RIT2: variants seen among roughly 807,000 people sequenced by gnomAD.
RIT2 encodes Ras like without CAAX 2, also known as GTP-binding protein Rit2.
In RIT2, 24 loss-of-function variants were observed where a neutral mutation model predicts 23.7. That is an observed-to-expected ratio of 1.01 (90% CI 0.73 to 1.43). The LOEUF (loss-of-function observed/expected upper bound fraction) is 1.43. Ranked by LOEUF, RIT2 falls within the 40% of genes most tolerant of loss-of-function variation. RIT2 has a pLI of 0.00. For missense variants in RIT2, 236 were observed against 266.9 expected (o/e 0.88, Z 0.81); for synonymous variants, 107 against 91.1 (o/e 1.17, Z -0.99).
chr18:43,062,181 A>C (rs1182445316), intron 1 of RIT2, among the ~76,000 whole-genome samples: 1 of 152,134 alleles, frequency 6.6e-6, no homozygotes, highest in East Asian at 1.9e-4. Flanking sequence ...GTTTTATATG[A>C]GCCACTATGC....
chr18:42,880,775 C>T (rs946862766), intron 4 of RIT2, among the ~76,000 whole-genome samples: 9 of 150,008 alleles, frequency 6.0e-5, no homozygotes, highest in Admixed American at 4.7e-4. Flanking sequence ...GGGCCTGTGT[C>T]CAAAACAGAA....
chr18:42,831,621 G>T (rs1036911337), intron 4 of RIT2, among the ~76,000 whole-genome samples: 9 of 152,090 alleles, frequency 5.9e-5, no homozygotes, highest in Non-Finnish European at 1.2e-4. Context: ...GTGACGGAGG[G>T]TCTAGGAAGA....
At chr18:42,970,256 T>A (rs1321010124) in intron 3 of RIT2, among the ~76,000 whole-genome samples, 2 of 151,956 alleles carry the variant, frequency 1.3e-5, no homozygotes, top group African/African-American at 4.8e-5. Flanking sequence ...TAAGAAAAAC[T>A]CTTTCTAATA....
rs559369320 is a variant in RIT2, at chr18:43,054,295, T to C, written c.104-20428A>G. On this transcript the variant is annotated intron_variant, in intron 1 of 4. Coordinates refer to ENST00000326695, the MANE Select transcript of RIT2 (RefSeq NM_002930.4). ...AGATGAGGACAGAAAGAATTTAAGA[T>C]GAGGTTAAAAGGTGTCTCTTTGAGG... is the stretch of plus-strand genomic sequence containing the variant. Among the ~76,000 whole-genome samples the C allele has an allele frequency of 2.6e-5, 4 of 152,216 alleles. No homozygotes were observed. In the East Asian group the frequency reaches 7.8e-4, roughly 30 times the overall value.
At chr18:42,882,109 T>G (rs1165639611) in intron 4 of RIT2, among the ~76,000 whole-genome samples, 10 of 152,230 alleles carry the variant, frequency 6.6e-5, no homozygotes, top group Non-Finnish European at 1.5e-4. Context: ...TGATTATTTT[T>G]TAACTATATA....
At chr18:42,771,647 C>T (rs1218276395) in intron 4 of RIT2, among the ~76,000 whole-genome samples, 1 of 152,092 alleles carries the variant, frequency 6.6e-6, no homozygotes, top group African/African-American at 2.4e-5. Flanking sequence ...AAGACAGCCT[C>T]ATCTTTAGTA....
intron 1 of RIT2, among the ~76,000 whole-genome samples, chr18:43,049,424 T>C (rs746612943): frequency 1.3e-5 from 2 of 152,276 alleles, no homozygotes; most frequent in Admixed American, 1.3e-4. Flanking sequence ...TTTTATTTCC[T>C]GTACATTTAA....
At chr18:43,001,688 A>C (rs1911111745) in intron 2 of RIT2, among the ~76,000 whole-genome samples, 1 of 152,000 alleles carries the variant, frequency 6.6e-6, no homozygotes, top group Admixed American at 6.6e-5. Context: ...TTATCTGGAG[A>C]CTTGAAAGTT....
intron 1 of RIT2, among the ~76,000 whole-genome samples, chr18:43,102,749 G>A (rs1279769546): frequency 6.6e-6 from 1 of 151,946 alleles, no homozygotes; most frequent in Non-Finnish European, 1.5e-5. Flanking sequence ...CGCCTCCCGG[G>A]TTCAAGCGAT....
chr18:43,055,284 C>A (rs535479350), intron 1 of RIT2, among the ~76,000 whole-genome samples: 1 of 152,050 alleles, frequency 6.6e-6, no homozygotes, highest in Non-Finnish European at 1.5e-5. Context: ...CTCAGCGCTC[C>A]CCATGGGGTC....
intron 4 of RIT2, among the ~76,000 whole-genome samples, chr18:42,806,492 A>T (rs1170944498): frequency 2.6e-5 from 4 of 152,158 alleles, no homozygotes; most frequent in Non-Finnish European, 5.9e-5. Context: ...AGAAAAAAAG[A>T]ATTTATTTTT....
intron 4 of RIT2, among the ~76,000 whole-genome samples, chr18:42,762,342 CAAT>C (rs1394507536): frequency 2.0e-5 from 3 of 152,230 alleles, no homozygotes; most frequent in East Asian, 3.9e-4. Flanking sequence ...TCTTAAACAA[CAAT>C]GACACAGAGA....
chr18:42,880,221 G>A (rs1463630610), intron 4 of RIT2, among the ~76,000 whole-genome samples: 1 of 152,070 alleles, frequency 6.6e-6, no homozygotes, highest in African/African-American at 2.4e-5. Context: ...CAACTCTCCT[G>A]TTTGTGCCCT....
At chr18:42,944,857 C>T (rs1909690789) in intron 3 of RIT2, among the ~76,000 whole-genome samples, 1 of 151,862 alleles carries the variant, frequency 6.6e-6, no homozygotes, top group Admixed American at 6.6e-5. Flanking sequence ...CACTTATTTC[C>T]AAGAAAATAT....
At chr18:42,974,711 A>C (rs1568044169) in intron 2 of RIT2, among the ~76,000 whole-genome samples, 1 of 152,100 alleles carries the variant, frequency 6.6e-6, no homozygotes, top group African/African-American at 2.4e-5. Context: ...AATTCAGCAA[A>C]GTTGTAGAAT....
At chr18:42,910,386 A>G (rs919122248) in intron 4 of RIT2, among the ~76,000 whole-genome samples, 2 of 152,122 alleles carry the variant, frequency 1.3e-5, no homozygotes, top group Non-Finnish European at 2.9e-5. Flanking sequence ...GACAGCAGGC[A>G]GGGAAATACT....
intron 4 of RIT2, among the ~76,000 whole-genome samples, chr18:42,914,583 T>C (rs979920682): frequency 6.6e-6 from 1 of 151,990 alleles, no homozygotes; most frequent in Non-Finnish European, 1.5e-5. Flanking sequence ...AATAAAATAA[T>C]TATATAGATG....
At chr18:42,967,536 ATTTTTTTTTTTTT>A (rs397940927) in intron 3 of RIT2, among the ~76,000 whole-genome samples, 9 of 80,762 alleles carry the variant, frequency 1.1e-4, no homozygotes, top group Non-Finnish European at 1.7e-4. Flanking sequence ...CGCCCGGCTA[ATTTTTTTTTTTTT>A]TTTTTTTTTT....
Position 43,015,234 on chromosome 18 carries a change from G to C in RIT2, c.160+18577C>G, listed in dbSNP as rs147337652. 1.2e-3 allele frequency among the ~76,000 whole-genome samples: 178 copies of C among 151,668 alleles called. No homozygotes were observed. In the Middle Eastern group the frequency reaches 0.017, roughly 15 times the overall value. ...ATTTTTAGAAAATATTCTGGAGATA[G>C]AATCAATAGCTCAATGATAGCATAG... On this transcript the variant is annotated intron_variant, in intron 2 of 4. Coordinates refer to ENST00000326695, the MANE Select transcript of RIT2 (RefSeq NM_002930.4).
Sources: gnomAD v4.1 joint callset for allele counts (sites outside exome capture counted in the v4.1 genomes callset) on GRCh38, gnomAD v4.1.1 for gene constraint, MANE v1.5 for transcripts, NCBI Gene and HGNC (gene_info 2026-07-23, HGNC 2026-07-21) for gene names.